The following RALY variants were observed in gnomAD, a reference collection of about 807,000 sequenced individuals.
RALY encodes RALY heterogeneous nuclear ribonucleoprotein, also known as RNA-binding protein Raly.
Under a neutral mutation model 30.7 loss-of-function variants are expected in RALY, and 15 were observed. That is an observed-to-expected ratio of 0.49 (90% CI 0.33 to 0.75). RALY has a LOEUF of 0.75. RALY is among the 30% of genes least tolerant of loss of function. RALY has a pLI of 0.02. For missense variants in RALY, 339 were observed against 414.3 expected, an observed-to-expected ratio of 0.82 and a Z score of 1.58; for synonymous variants, 177 against 170.8, an observed-to-expected ratio of 1.04 and a Z score of -0.28.
chr20:34,001,051 A>G (rs2030892037), intron 1 of RALY, among the ~76,000 whole-genome samples: 1 of 152,224 alleles, frequency 6.6e-6, no homozygotes, highest in South Asian at 2.1e-4. Flanking sequence ...GGGTTCACAA[A>G]AGATACCTTT....
chr20:34,006,260 T>TA (rs1274400005), intron 1 of RALY, among the ~76,000 whole-genome samples: 1 of 152,238 alleles, frequency 6.6e-6, no homozygotes, highest in African/African-American at 2.4e-5. Flanking sequence ...TACCCCTACC[T>TA]ACTTTTCTTC....
intron 2 of RALY, chr20:34,065,051 G>A (rs1568690238): frequency 6.6e-6 from 1 of 152,218 alleles, no homozygotes; most frequent in Admixed American, 6.5e-5. Context: ...CAGGTTCCCA[G>A]AGAGGGGGCT....
intron 1 of RALY, among the ~76,000 whole-genome samples, chr20:34,027,401 G>C (rs147150397): frequency 4.8e-4 from 73 of 152,322 alleles, no homozygotes; most frequent in African/African-American, 1.7e-3. Context: ...TTAACACCCA[G>C]CCGTGTGCCT....
chr20:34,076,812 C>G lies in RALY; in HGVS notation c.655C>G (p.Pro219Ala). 1 of 1,613,712 alleles carries G rather than the reference C, an allele frequency of 6.2e-7. No homozygotes were observed. The highest frequency in any genetic ancestry group is 8.5e-7 in the Non-Finnish European group (1 of 1,179,846). Residue 219 changes from proline to alanine, a missense_variant, in exon 7 of 10, where the codon CCA becomes GCA. Transcript: ENST00000246194. ...GATCGCTGCGGAGCAAAAGGCCAAT[C>G]CAGGTCAGCCTCTGAGGATTCTCAC... ...EQIAAEQKAN[P>A]DGKKKGDGGG...
chr20:34,079,596 T>A (rs1310451893), intron 9 of RALY, among the ~76,000 whole-genome samples: 1 of 152,248 alleles, frequency 6.6e-6, no homozygotes, highest in Admixed American at 6.5e-5. Context: ...CTTCTTGGTT[T>A]GTTTTGCCTG....
At chr20:34,040,853 T>C (rs925475597) in intron 2 of RALY, among the ~76,000 whole-genome samples, 2 of 152,198 alleles carry the variant, frequency 1.3e-5, no homozygotes, top group East Asian at 3.8e-4. Flanking sequence ...GACTAAGCTG[T>C]AAGGTAAGCT....
intron 2 of RALY, among the ~76,000 whole-genome samples, chr20:34,038,070 C>T (rs924858914): frequency 6.6e-6 from 1 of 152,224 alleles, no homozygotes; most frequent in Non-Finnish European, 1.5e-5. Context: ...AAGCAATAAC[C>T]TCCAGCTTGC....
intron 1 of RALY, among the ~76,000 whole-genome samples, chr20:34,022,512 C>T (rs1031397338): frequency 3.3e-5 from 5 of 152,112 alleles, no homozygotes; most frequent in African/African-American, 7.2e-5. Context: ...ACTGCCAGAG[C>T]ACATAAGGCC....
Sources: gnomAD v4.1 joint callset for allele counts (sites outside exome capture counted in the v4.1 genomes callset) on GRCh38, gnomAD v4.1.1 for gene constraint, MANE v1.5 for transcripts, NCBI Gene and HGNC (gene_info 2026-07-23, HGNC 2026-07-21) for gene names.